Variants in IGF1R observed in about 807,000 individuals in gnomAD.
IGF1R encodes the protein insulin-like growth factor 1 receptor.
A neutral mutation model predicts 144.6 loss-of-function variants in IGF1R; 44 were observed. The ratio of observed to expected loss-of-function variants is 0.30; its 90% CI spans 0.24 to 0.39. IGF1R has a LOEUF of 0.39. IGF1R is among the 10% of genes least tolerant of loss of function. The pLI is 1.00. For synonymous variants in IGF1R, 795 were observed against 722.8 expected (o/e 1.10, Z -1.60); for missense variants, 1,355 against 1,833.7 (o/e 0.74, Z 4.77).
At position 98,916,776 on chromosome 15, in the gene IGF1R, G is replaced by A. The variant is rs201631492; in HGVS notation, c.2101G>A (p.Ala701Thr). ...TGGTGGGGAGAAAGGGCCTTGCTGC[G>A]CCTGCCCCAAAACTGAAGCCGAGAA... is the stretch of plus-strand genomic sequence containing the variant. The part of the protein sequence containing the change: ...VCGGEKGPCC[A>T]CPKTEAEKQA... Residue 701 changes from alanine (A) to threonine (T), a missense_variant, in exon 10 of 21, where the codon GCC becomes ACC. Ala to Thr is a moderately conservative substitution (Grantham distance 58, BLOSUM62 0). Coordinates refer to ENST00000650285, the MANE Select transcript of IGF1R (RefSeq NM_000875.5). 1.9e-5 allele frequency: 31 copies of A among 1,613,894 alleles called. No homozygotes were observed. The highest frequency in any genetic ancestry group is 4.5e-5 in the East Asian group (2 of 44,872).
chr15:98,755,683 C>T (rs945401305), intron 2 of IGF1R, among the ~76,000 whole-genome samples: 16 of 133,088 alleles, frequency 1.2e-4, no homozygotes, highest in African/African-American at 3.8e-4. Context: ...CGTGCCACTG[C>T]ACTCCAGCCT....
At chr15:98,921,960 A>C (rs1391176429) in intron 10 of IGF1R, among the ~76,000 whole-genome samples, 188 bp from the exon 11 acceptor site, 2 of 152,148 alleles carry the variant, frequency 1.3e-5, no homozygotes, top group Non-Finnish European at 2.9e-5. Flanking sequence ...CCATTCTGAC[A>C]CTTGCAGAGT....
At chr15:98,651,187 G>T (rs2052355764) in intron 1 of IGF1R, 3 of 394,980 alleles carry the variant, frequency 7.6e-6, no homozygotes, top group South Asian at 1.0e-4. Context: ...AGCGGAGGTT[G>T]TATGGCCCCA....
At chr15:98,917,312 A>AG (rs1270599674) in intron 10 of IGF1R, among the ~76,000 whole-genome samples, 4 of 152,362 alleles carry the variant, frequency 2.6e-5, no homozygotes, top group South Asian at 4.1e-4. Context: ...GAGGGAAAAA[A>AG]GTCAGAGTCT....
At chr15:98,810,769 T>C (rs886109805) in intron 2 of IGF1R, among the ~76,000 whole-genome samples, 26 of 151,400 alleles carry the variant, frequency 1.7e-4, no homozygotes, top group Non-Finnish European at 2.5e-4. Flanking sequence ...AGGATGGTCT[T>C]GATCTCCTGA....
chr15:98,827,743 C>G (rs952258348), intron 2 of IGF1R, among the ~76,000 whole-genome samples: 2 of 152,116 alleles, frequency 1.3e-5, no homozygotes, highest in Non-Finnish European at 2.9e-5. Flanking sequence ...CCACCACACC[C>G]GGCTAATTTT....
intron 2 of IGF1R, among the ~76,000 whole-genome samples, chr15:98,869,674 A>G (rs2012675914): frequency 6.6e-6 from 1 of 152,102 alleles, no homozygotes; most frequent in Admixed American, 6.5e-5. Context: ...TCCTCAGGTG[A>G]TCCACGCGCC....
chr15:98,940,917 T>C (rs2016342248), intron 18 of IGF1R, among the ~76,000 whole-genome samples: 1 of 152,102 alleles, frequency 6.6e-6, no homozygotes, highest in South Asian at 2.1e-4. Flanking sequence ...GGCAAAGAAG[T>C]CCCAAGAGGC....
At chr15:98,724,085 A>T (rs1596235855) in intron 2 of IGF1R, among the ~76,000 whole-genome samples, 1 of 152,130 alleles carries the variant, frequency 6.6e-6, no homozygotes, top group East Asian at 1.9e-4. Context: ...TTCTTCTAGG[A>T]CTTTATTTTG....
At chr15:98,903,520 G>C (rs2014582638) in intron 5 of IGF1R, among the ~76,000 whole-genome samples, 1 of 152,140 alleles carries the variant, frequency 6.6e-6, no homozygotes, top group East Asian at 1.9e-4. Flanking sequence ...CTGTGACCTA[G>C]CAATTCCGGG....
At chr15:98,834,321 G>C (rs2141511077) in intron 2 of IGF1R, among the ~76,000 whole-genome samples, 1 of 152,148 alleles carries the variant, frequency 6.6e-6, no homozygotes, top group East Asian at 1.9e-4. Flanking sequence ...CACTTTCTCT[G>C]GCTGTAACAG....
chr15:98,694,168 A>G (rs1596195502), intron 1 of IGF1R, among the ~76,000 whole-genome samples: 1 of 152,144 alleles, frequency 6.6e-6, no homozygotes, highest in East Asian at 1.9e-4. Flanking sequence ...GTTCGTGTCT[A>G]CATGATGTAA....
chr15:98,676,581 A>G (rs2053052567), intron 1 of IGF1R, among the ~76,000 whole-genome samples: 1 of 152,172 alleles, frequency 6.6e-6, no homozygotes, highest in Non-Finnish European at 1.5e-5. Context: ...AAAAAATTTG[A>G]AGCACCATTA....
At chr15:98,808,228 C>T (rs2063673) in intron 2 of IGF1R, among the ~76,000 whole-genome samples, 133,704 of 152,216 alleles carry the variant, frequency 0.88, 60,062 homozygotes, top group Middle Eastern at 0.98. Context: ...TAATAAGATA[C>T]TGGGAGATGT....
chr15:98,950,859 GA>G (rs1446556569), intron 20 of IGF1R, among the ~76,000 whole-genome samples: 1 of 152,126 alleles, frequency 6.6e-6, no homozygotes, highest in African/African-American at 2.4e-5. Flanking sequence ...CATAGTCTCA[GA>G]AATCATTGTC....
chr15:98,957,169 C>T lies in IGF1R; in HGVS notation c.3831C>T (p.Val1277=), dbSNP rs778009461. 5 of 1,614,250 alleles carry T rather than the reference C, an allele frequency of 3.1e-6. No homozygotes were observed. In the South Asian group the frequency reaches 4.4e-5, roughly 14 times the overall value. Residue 1277 remains valine (V), a synonymous_variant, in exon 21 of 21, where the codon GTC becomes GTT. Transcript: ENST00000650285. ...AGATGGAGCCTGGCTTCCGGGAGGT[C>T]TCCTTCTACTACAGCGAGGAGAACA... ...KEEMEPGFRE[V]SFYYSEENKL... is the part of the protein sequence containing the mutation.
At chr15:98,903,281 T>C (rs1167078854) in intron 5 of IGF1R, among the ~76,000 whole-genome samples, 2 of 152,242 alleles carry the variant, frequency 1.3e-5, no homozygotes, top group Non-Finnish European at 2.9e-5. Context: ...TTCACATTAT[T>C]TGGTGCTACC....
Position 98,678,868 on chromosome 15 carries a change from G to GT in IGF1R, c.95-28693dup, listed in dbSNP as rs2053115235. 2.6e-5 allele frequency among the ~76,000 whole-genome samples: 4 copies of GT among 151,236 alleles called. No homozygotes were observed. In the South Asian group the frequency reaches 6.2e-4, roughly 24 times the overall value. ...TTGTTTTGTGACAGCTTTAAAAAAG[G>GT]TCTTCCATGGGTGTTGGTCTGTTCC... is the stretch of plus-strand genomic sequence containing the variant. On this transcript the variant is annotated intron_variant, in intron 1 of 20. Coordinates refer to ENST00000650285, the MANE Select transcript of IGF1R (RefSeq NM_000875.5).
intron 2 of IGF1R, among the ~76,000 whole-genome samples, chr15:98,725,878 C>G (rs1303177952): frequency 6.6e-6 from 1 of 152,202 alleles, no homozygotes; most frequent in African/African-American, 2.4e-5. Flanking sequence ...ATAAACCCAT[C>G]AGATCTCGTC....
Sources: allele counts gnomAD v4.1 joint callset (sites outside exome capture counted in the v4.1 genomes callset), GRCh38; gene constraint gnomAD v4.1.1; transcripts MANE v1.5; gene names NCBI Gene and HGNC (gene_info 2026-07-23, HGNC 2026-07-21).